CPB2: variants seen among roughly 807,000 people sequenced by gnomAD.
The protein encoded by CPB2 is carboxypeptidase B-like protein.
Under a neutral mutation model 57.0 loss-of-function variants are expected in CPB2, and 54 were observed. That is an observed-to-expected ratio of 0.95 (90% CI 0.76 to 1.19). The LOEUF is 1.19. Ranked by LOEUF, CPB2 falls within the 50% of genes most tolerant of loss-of-function variation. The pLI is 0.00. For missense variants in CPB2, 426 were observed against 512.0 expected, an observed-to-expected ratio of 0.83 and a Z score of 1.62; for synonymous variants, 189 against 178.1, an observed-to-expected ratio of 1.06 and a Z score of -0.49.
Position 46,093,386 on chromosome 13 carries a change from C to T in CPB2, c.75-5566G>A, listed in dbSNP as rs142082234. ...TACAAGTTTAGCATAAACTATTAAACCACTGATTAAAGATACATGTTCAAG... is the reference window on the plus strand; with the variant it reads ...TACAAGTTTAGCATAAACTATTAAATCACTGATTAAAGATACATGTTCAAG... On this transcript the variant is annotated intron_variant, in intron 1 of 10. Transcript: ENST00000181383. Among the ~76,000 whole-genome samples, 895 of 152,234 alleles carry T rather than the reference C, an allele frequency of 5.9e-3. 34 individuals carry two copies. The highest frequency in any genetic ancestry group is 0.052 in the Admixed American group (789 of 15,290).
chr13:46,079,762 G>A (rs1044505940), intron 4 of CPB2, among the ~76,000 whole-genome samples: 1 of 152,074 alleles, frequency 6.6e-6, no homozygotes, highest in African/African-American at 2.4e-5. Flanking sequence ...AACTTTTCTA[G>A]AGGTGATTTC....
intron 8 of CPB2, among the ~76,000 whole-genome samples, chr13:46,060,291 C>T (rs563420556): frequency 3.9e-5 from 6 of 152,114 alleles, no homozygotes; most frequent in South Asian, 2.1e-4. Flanking sequence ...GGTGAAACCC[C>T]GTCTCTACCA....
chr13:46,079,461 AT>A (rs2045073300), intron 4 of CPB2, among the ~76,000 whole-genome samples: 1 of 146,452 alleles, frequency 6.8e-6, no homozygotes, highest in Non-Finnish European at 1.5e-5. Flanking sequence ...AAGTAGTTCG[AT>A]TCTGGACCTC....
intron 1 of CPB2, among the ~76,000 whole-genome samples, chr13:46,088,349 A>T (rs1314065411): frequency 6.6e-6 from 1 of 152,192 alleles, no homozygotes; most frequent in African/African-American, 2.4e-5. Flanking sequence ...AAACACATGT[A>T]TGTGTGAATT....
intron 1 of CPB2, among the ~76,000 whole-genome samples, chr13:46,092,706 T>C (rs1271507247): frequency 6.6e-6 from 1 of 152,152 alleles, no homozygotes; most frequent in African/African-American, 2.4e-5. Flanking sequence ...TGTTGCCAAG[T>C]ATAGGATACG....
chr13:46,070,437 A>G (rs1289941136), intron 6 of CPB2, among the ~76,000 whole-genome samples: 2 of 152,060 alleles, frequency 1.3e-5, no homozygotes, highest in Admixed American at 1.3e-4. Flanking sequence ...AGACTGAGTG[A>G]TGAGAGGGTG....
chr13:46,068,309 C>A (rs1190523418), intron 6 of CPB2, among the ~76,000 whole-genome samples: 1 of 152,008 alleles, frequency 6.6e-6, no homozygotes, highest in Admixed American at 6.5e-5. Context: ...TAAAAACAAG[C>A]CTTTTATAAA....
intron 6 of CPB2, among the ~76,000 whole-genome samples, chr13:46,069,870 G>A (rs1384851004): frequency 6.6e-6 from 1 of 152,142 alleles, no homozygotes; most frequent in Non-Finnish European, 1.5e-5. Flanking sequence ...GGGTCATATG[G>A]TAACTCTATA....
At chr13:46,091,967 C>T (rs2045299509) in intron 1 of CPB2, among the ~76,000 whole-genome samples, 1 of 152,168 alleles carries the variant, frequency 6.6e-6, no homozygotes, top group African/African-American at 2.4e-5. Flanking sequence ...CACTGAGTAA[C>T]CTCACAAGAA....
chr13:46,055,208 C>T (rs898830822), intron 10 of CPB2, among the ~76,000 whole-genome samples: 2 of 152,150 alleles, frequency 1.3e-5, no homozygotes, highest in African/African-American at 2.4e-5. Context: ...TCAGTCTGTC[C>T]TCCCACTGTG....
At chr13:46,089,181 T>G (rs2045254836) in intron 1 of CPB2, among the ~76,000 whole-genome samples, 1 of 152,208 alleles carries the variant, frequency 6.6e-6, no homozygotes, top group African/African-American at 2.4e-5. Flanking sequence ...CGTTTATTAT[T>G]ATGATTTTTT....
At chr13:46,058,971 C>T (rs2044734452) in intron 8 of CPB2, among the ~76,000 whole-genome samples, 1 of 152,190 alleles carries the variant, frequency 6.6e-6, no homozygotes, top group South Asian at 2.1e-4. Flanking sequence ...ACACTTCTCC[C>T]CCTGTCCCTA....
rs759144981 is a variant in CPB2 at position 46,102,592 on chromosome 13, G to GC, written c.74+2343_74+2344insG. On this transcript the variant is annotated intron_variant, in intron 1 of 10. Coordinates refer to ENST00000181383, the MANE Select transcript of CPB2 (RefSeq NM_001872.5). ...GCTTTAAGAAAAAGCCAGACTGTTA[G>GC]TTTTTTTTTTTTTTTTTAGAAGGGT... Among the ~76,000 whole-genome samples the GC allele has an allele frequency of 6.6e-3, 768 of 116,290 alleles. 16 individuals are homozygous for GC. Among genetic ancestry groups the GC allele is most frequent in the African/African-American group, 0.022 (700 of 31,534 alleles). 76.3% of individuals were successfully genotyped at this position (116,290 alleles called of 152,430 possible).
chr13:46,066,690 A>T lies in CPB2; in HGVS notation c.702+617T>A, dbSNP rs549510395. Reference sequence around the variant, plus strand: ...AAACCCTGTCTCTACTAAAAATACAAAAAGCTTAGCCAGGCATGGTGGCAG... The same window carrying T: ...AAACCCTGTCTCTACTAAAAATACATAAAGCTTAGCCAGGCATGGTGGCAG... On this transcript the variant is annotated intron_variant, in intron 7 of 10. Coordinates refer to ENST00000181383, the MANE Select transcript of CPB2 (RefSeq NM_001872.5). Among the ~76,000 whole-genome samples, 614 of 152,060 alleles carry T rather than the reference A, an allele frequency of 4.0e-3. 4 individuals carry two copies. Among genetic ancestry groups the T allele is most frequent in the African/African-American group, 0.014 (593 of 41,480 alleles).
chr13:46,054,086 TC>T (rs1160091144), intron 10 of CPB2, among the ~76,000 whole-genome samples: 1 of 152,188 alleles, frequency 6.6e-6, no homozygotes, highest in Non-Finnish European at 1.5e-5. Flanking sequence ...CATTTATACT[TC>T]CACAAGCAGG....
In CPB2 at chr13:46,064,708, C is replaced by T; in HGVS notation, c.736G>A (p.Ala246Thr). ...TCTGTTCCGATGCAATGATTGTTCGCATAGAAAGAACGGTTCTTTCTCCAC... is the reference window on the plus strand; with the variant it reads ...TCTGTTCCGATGCAATGATTGTTCGTATAGAAAGAACGGTTCTTTCTCCAC... ...RMWRKNRSFY[A>T]NNHCIGTDLN... The change falls in exon 8 of 11, where the codon GCG becomes ACG. Residue 246 changes from alanine (A) to threonine (T), a missense_variant. Ala to Thr is a moderately conservative substitution (Grantham distance 58, BLOSUM62 0). Transcript: ENST00000181383. 6.2e-7 allele frequency: 1 copy of T among 1,614,110 alleles called. No homozygotes were observed. Among genetic ancestry groups the T allele is most frequent in the Non-Finnish European group, 8.5e-7 (1 of 1,179,982 alleles).
intron 1 of CPB2, chr13:46,099,491 T>C (rs939474435): frequency 1.3e-5 from 2 of 152,210 alleles, no homozygotes; most frequent in Admixed American, 1.3e-4. Flanking sequence ...TGTGAACTTC[T>C]AACAATTTGA....
At chr13:46,090,420 T>G (rs902793553) in intron 1 of CPB2, among the ~76,000 whole-genome samples, 1 of 147,314 alleles carries the variant, frequency 6.8e-6, no homozygotes, top group Non-Finnish European at 1.5e-5. Flanking sequence ...AGGAGTGCAA[T>G]GGAGCGATCT....
At chr13:46,095,764 C>T (rs144338145) in intron 1 of CPB2, among the ~76,000 whole-genome samples, 313 of 152,134 alleles carry the variant, frequency 2.1e-3, no homozygotes, top group African/African-American at 7.2e-3. Context: ...AGTGCTAATA[C>T]CACATTTCCC....
Sources: allele counts gnomAD v4.1 joint callset (sites outside exome capture counted in the v4.1 genomes callset), GRCh38; gene constraint gnomAD v4.1.1; transcripts MANE v1.5; gene names NCBI Gene and HGNC (gene_info 2026-07-23, HGNC 2026-07-21).